CEP72: variants seen among roughly 807,000 people sequenced by gnomAD.
CEP72 encodes centrosomal protein of 72 kDa.
CEP72 carries 78 observed loss-of-function variants against 65.7 expected under a neutral mutation model. The observed-to-expected ratio is 1.19, with a 90% confidence interval of 0.99 to 1.43. The LOEUF is 1.43. CEP72 is among the 40% of genes most tolerant of loss of function. The pLI is 0.00. For synonymous variants in CEP72, 358 were observed against 351.7 expected (o/e 1.02, Z -0.20); for missense variants, 914 against 832.9 (o/e 1.10, Z -1.20).
At chr5:612,739 C>G in intron 1 of CEP72, 1 of 701,324 alleles carries the variant, frequency 1.4e-6, no homozygotes, top group South Asian at 6.3e-5. Flanking sequence ...GCCGGCCTTG[C>G]TGTCCAGGAG....
At chr5:651,777 G>A (rs1739114697) in intron 11 of CEP72, among the ~76,000 whole-genome samples, 1 of 151,982 alleles carries the variant, frequency 6.6e-6, no homozygotes. Flanking sequence ...TGTTGCTGTG[G>A]CCTCAGCAGG....
the CEP72 span, among the ~76,000 whole-genome samples, chr5:675,280 G>A: frequency 8.6e-6 from 1 of 116,448 alleles, no homozygotes; most frequent in African/African-American, 3.6e-5. Flanking sequence ...AGCCCAGGGG[G>A]TTCAGTGTGG....
chr5:654,930 G>C (rs796244727), downstream of CEP72, among the ~76,000 whole-genome samples: 5 of 149,966 alleles, frequency 3.3e-5, no homozygotes, highest in African/African-American at 1.2e-4. Context: ...TTTCATCCTT[G>C]TTCTCTCATC....
At position 635,410 on chromosome 5, in the gene CEP72, C is replaced by T; in HGVS notation, c.730C>T (p.Gln244Ter). 6.2e-7 allele frequency: 1 copy of T among 1,613,860 alleles called. No homozygotes were observed. The highest frequency in any genetic ancestry group is 1.1e-5 in the South Asian group (1 of 91,068). ...GTTGAGCCCGCAGTTGGTACAGTAC[C>T]AGTGTGGGGACTCTGGGAAGCAGGG... ...HLLSPQLVQY[Q>*]CGDSGKQGRE... is the part of the protein sequence containing the mutation. The change falls in exon 6 of 12, where the codon CAG becomes TAG. Residue 244 changes from glutamine to a stop codon, truncating the protein, a stop_gained. Transcript: ENST00000264935. LOFTEE classifies it high-confidence loss of function.
intron 4 of CEP72, among the ~76,000 whole-genome samples, chr5:631,872 A>G (rs1292940782): frequency 3.2e-5 from 1 of 30,912 alleles, no homozygotes; most frequent in Admixed American, 3.6e-4. Flanking sequence ...CCAGTGCTGG[A>G]TTTGACCCAG....
At chr5:614,201 G>A (rs894923320) in intron 1 of CEP72, among the ~76,000 whole-genome samples, 7 of 151,988 alleles carry the variant, frequency 4.6e-5, no homozygotes, top group Non-Finnish European at 7.4e-5. Flanking sequence ...ATTGATTTCT[G>A]CTTTTTTTTA....
intron 9 of CEP72, chr5:641,924 G>A (rs1561053841): frequency 1.1e-6 from 1 of 943,466 alleles, no homozygotes; most frequent in Admixed American, 7.6e-5. Flanking sequence ...TTAAACACAC[G>A]TGGTCCCCCG....
Position 645,750 on chromosome 5 carries a change from A to T in CEP72, c.1666+1325A>T, listed in dbSNP as rs1738373373. ...GGAACAACAGAGTAAATAATAGTCT[A>T]ACTTGTCTTTGTTACTCGGTCTTAA... On this transcript the variant is annotated intron_variant, in intron 10 of 11. Coordinates refer to ENST00000264935, the MANE Select transcript of CEP72 (RefSeq NM_018140.4). The surrounding 1 kb of genome is among the most constrained non-coding windows in gnomAD (Gnocchi z 4.0). Among the ~76,000 whole-genome samples the T allele has an allele frequency of 2.0e-5, 3 of 152,334 alleles. No homozygotes were observed. Among genetic ancestry groups the T allele is most frequent in the African/African-American group, 7.2e-5 (3 of 41,568 alleles).
Position 649,305 on chromosome 5 carries a change from T to TG in CEP72, c.1778+1390dup, listed in dbSNP as rs1440885877. 5.1e-4 allele frequency among the ~76,000 whole-genome samples: 49 copies of TG among 95,356 alleles called. 6 individuals carry two copies. Among genetic ancestry groups the TG allele is most frequent in the African/African-American group, 2.4e-3 (46 of 19,280 alleles). 62.6% of individuals were successfully genotyped at this position (95,356 alleles called of 152,430 possible). Reference sequence around the variant, plus strand: ...ACTGTGAGGCATGGACTGTGAGGCGTGACTGAGGCGTGACTGTGAGGCGTG... The same window carrying TG: ...ACTGTGAGGCATGGACTGTGAGGCGTGGACTGAGGCGTGACTGTGAGGCGTG... On this transcript the variant is annotated intron_variant, in intron 11 of 11. Coordinates refer to ENST00000264935, the MANE Select transcript of CEP72 (RefSeq NM_018140.4).
rs143114687 is a variant in CEP72 at position 623,099 on chromosome 5, G to A, written c.404-1372G>A. Among the ~76,000 whole-genome samples the A allele has an allele frequency of 5.5e-3, 834 of 151,080 alleles. 8 individuals are homozygous for A. Among genetic ancestry groups the A allele is most frequent in the Non-Finnish European group, 8.5e-3 (578 of 67,862 alleles). On this transcript the variant is annotated intron_variant, in intron 3 of 11. Coordinates refer to ENST00000264935, the MANE Select transcript of CEP72 (RefSeq NM_018140.4). The surrounding 1 kb of genome is among the most constrained non-coding windows in gnomAD (Gnocchi z 5.3). The stretch of plus-strand genomic sequence containing the variant: ...GTTTCTGCAGAGAAGGAGCGCGACC[G>A]TCTCCCTCTTAGTGTTTCTGCAGAG...
intron 4 of CEP72, among the ~76,000 whole-genome samples, chr5:632,142 G>A (rs1737237073): frequency 3.0e-5 from 2 of 67,516 alleles, no homozygotes; most frequent in African/African-American, 1.2e-4. Flanking sequence ...GTCCAGCGCC[G>A]GGATTTGGCC....
At chr5:664,118 C>CTGAGCCA (rs1396623078) in intron 2 of CEP72, 1 of 152,530 alleles carries the variant, frequency 6.6e-6, no homozygotes, top group African/African-American at 2.4e-5. Context: ...AGAGGTTAGG[C>CTGAGCCA]TGAGCCATTT....
At chr5:637,251 C>A (rs947409223) in intron 6 of CEP72, among the ~76,000 whole-genome samples, 4 of 152,234 alleles carry the variant, frequency 2.6e-5, no homozygotes, top group African/African-American at 9.6e-5. Flanking sequence ...TCTGCTTCAT[C>A]CAGACTCCCC....
chr5:619,478 G>A (rs999678539), intron 2 of CEP72, among the ~76,000 whole-genome samples: 1 of 152,154 alleles, frequency 6.6e-6, no homozygotes, highest in Non-Finnish European at 1.5e-5. Flanking sequence ...GGCCTGATTG[G>A]CCCTGACAGA....
intron 1 of CEP72, among the ~76,000 whole-genome samples, chr5:614,549 T>A (rs1457857245): frequency 6.6e-6 from 1 of 150,668 alleles, no homozygotes; most frequent in East Asian, 2.0e-4. Context: ...CCTGGGTTCA[T>A]GCCATTCTCC....
At chr5:673,458 A>T in the CEP72 span, among the ~76,000 whole-genome samples, 7 of 151,758 alleles carry the variant, frequency 4.6e-5, no homozygotes, top group Non-Finnish European at 8.8e-5. Context: ...CTGCAGGTGA[A>T]TGGGGAGGGG....
At chr5:673,569 G>A in the CEP72 span, among the ~76,000 whole-genome samples, 1 of 152,102 alleles carries the variant, frequency 6.6e-6, no homozygotes, top group African/African-American at 2.4e-5. Flanking sequence ...GCCCACTCAC[G>A]GTGCCCAGCC....
intron 11 of CEP72, among the ~76,000 whole-genome samples, chr5:649,386 CTG>C (rs1465244709): frequency 5.4e-5 from 6 of 110,656 alleles, no homozygotes; most frequent in African/African-American, 2.4e-4. Context: ...TGAGGTGTGA[CTG>C]TGAGGTGTGC....
chr5:669,643 C>T (rs1270487004), downstream of CEP72, among the ~76,000 whole-genome samples: 8 of 152,156 alleles, frequency 5.3e-5, no homozygotes, highest in African/African-American at 1.9e-4. Context: ...GCACCACCAG[C>T]ATGAGTCACT....
Sources: allele counts gnomAD v4.1 joint callset (sites outside exome capture counted in the v4.1 genomes callset), GRCh38; gene constraint gnomAD v4.1.1; non-coding constraint Gnocchi (gnomAD v3.1); transcripts MANE v1.5; gene names NCBI Gene and HGNC (gene_info 2026-07-23, HGNC 2026-07-21).